The following DUOX2 variants were observed in gnomAD, a reference collection of about 807,000 sequenced individuals.
DUOX2 encodes the protein NADH/NADPH thyroid oxidase p138-tox.
Under a neutral mutation model 183.3 loss-of-function variants are expected in DUOX2, and 185 were observed. The ratio of observed to expected loss-of-function variants is 1.01; its 90% CI spans 0.90 to 1.14. The LOEUF (loss-of-function observed/expected upper bound fraction) is 1.14. Ranked by LOEUF, DUOX2 falls within the 50% of genes most tolerant of loss-of-function variation. The pLI is 0.00. For synonymous variants in DUOX2, 788 were observed against 812.4 expected (o/e 0.97, Z 0.51); for missense variants, 1,999 against 2,022.9 (o/e 0.99, Z 0.23).
In DUOX2 at chr15:45,100,077, C is replaced by A. The variant is rs1894035719; in HGVS notation, c.3157G>T (p.Val1053Phe). 1 of 1,614,272 alleles carries A rather than the reference C, an allele frequency of 6.2e-7. No homozygotes were observed. The highest frequency in any genetic ancestry group is 8.5e-7 in the Non-Finnish European group (1 of 1,180,056). Residue 1053 changes from valine (V) to phenylalanine (F), a missense_variant, in exon 24 of 34, where the codon GTT (valine) becomes TTT (phenylalanine). Around this residue, in one of 3 missense-constraint regions of DUOX2, gnomAD observed 1,628 missense variants for 1,608.6 expected, o/e 1.01. Transcript: ENST00000389039. The part of the protein sequence containing the change: ...VCVAIFSAIC[V>F]GVFADRAYYY... ...TAAGCACGATCTGCAAACACGCCAA[C>A]ACAGATGGCCGAGAAGATTGCCACA...
chr15:45,094,995 A>T lies in DUOX2; in HGVS notation c.4336T>A (p.Ser1446Thr), dbSNP rs756927874. The change falls in exon 32 of 34, where the codon TCT becomes ACT. Residue 1446 changes from serine to threonine, a missense_variant. This residue lies in a region of DUOX2 where 1,628 missense variants were observed against 1,608.6 expected (regional missense o/e 1.01). Transcript: ENST00000389039. ...AGCTGGGTGACATAAATGTGCACAG[A>T]CACCAGGTCCTGGTGGTCGTTCTCC... ...VEENDHQDLV[S>T]VHIYVTQLAE... 3 of 1,613,994 alleles carry T rather than the reference A, an allele frequency of 1.9e-6. No individual in the cohort carries two copies. In the African/African-American group the frequency reaches 4.0e-5, roughly 22 times the overall value.
In DUOX2 at chr15:45,103,973, A is replaced by G; in HGVS notation, c.2641T>C (p.Phe881Leu). The G allele has an allele frequency of 6.2e-7, 1 of 1,614,210 alleles. No homozygotes were observed. Among genetic ancestry groups the G allele is most frequent in the East Asian group, 2.2e-5 (1 of 44,874 alleles). The change falls in exon 20 of 34, where the codon TTC becomes CTC. Residue 881 changes from phenylalanine to leucine, a missense_variant. Physicochemically the swap from Phe to Leu is conservative, Grantham distance 22. Transcript: ENST00000389039. ...ENGFLSKDEF[F>L]TMMRSFIEIS... is the part of the protein sequence containing the mutation. ...CACACCCCATACCGCATCATGGTGA[A>G]GAATTCGTCCTTGGAGAGGAAGCCA...
In DUOX2 at chr15:45,093,911, G is replaced by A. The variant is rs1449295725; in HGVS notation, c.*239C>T. 1.9e-5 allele frequency: 10 copies of A among 531,734 alleles called. No individual in the cohort carries two copies. Among genetic ancestry groups the A allele is most frequent in the Admixed American group, 6.2e-5 (2 of 32,216 alleles). The allele number at this position is 531,734 out of a possible 1,614,324, so 32.9% of individuals were successfully genotyped here. Reference sequence around the variant, plus strand: ...TCTGGAGGGCTGCAGGAATGGTGCCGTTGATAAACAGGTGGACTTATAATC... The same window carrying A: ...TCTGGAGGGCTGCAGGAATGGTGCCATTGATAAACAGGTGGACTTATAATC... On this transcript the variant is annotated 3_prime_UTR_variant, in exon 34 of 34. Coordinates refer to ENST00000389039, the MANE Select transcript of DUOX2 (RefSeq NM_001363711.2).
At chr15:45,111,712 G>A (rs1012713028) in intron 5 of DUOX2, 56 bp downstream of exon 5, 141 of 1,482,878 alleles carry the variant, frequency 9.5e-5, no homozygotes, top group Middle Eastern at 4.9e-4. Context: ...CAGGCCCGAA[G>A]CCCAGGCCCC....
intron 20 of DUOX2, among the ~76,000 whole-genome samples, chr15:45,103,742 G>T (rs902901282): frequency 6.6e-6 from 1 of 152,000 alleles, no homozygotes; most frequent in African/African-American, 2.4e-5. Context: ...GGCTTTTCTG[G>T]CTGGTGTTGA....
intron 17 of DUOX2, 74 bp downstream of exon 17, chr15:45,106,051 G>A: frequency 2.6e-6 from 4 of 1,553,340 alleles, no homozygotes; most frequent in Non-Finnish European, 2.7e-6. Flanking sequence ...TGTAGCTGAG[G>A]ATAGGGTGGC....
rs200479757 is a variant in DUOX2 at position 45,110,682 on chromosome 15, C to G, written c.911G>C (p.Ser304Thr). Residue 304 changes from serine to threonine, a missense_variant, in exon 8 of 34, where the codon AGC (serine) becomes ACC (threonine). Ser to Thr is a moderately conservative substitution (Grantham distance 58). Coordinates refer to ENST00000389039, the MANE Select transcript of DUOX2 (RefSeq NM_001363711.2). ...QNIAVYEWLP[S>T]FLQKTLPEYT... Reference sequence around the variant, plus strand: ...CTCCGGGAGTGTTTTCTGCAGGAAGCTGGGCAGCCACTCATACACAGCGAT... The same window carrying G: ...CTCCGGGAGTGTTTTCTGCAGGAAGGTGGGCAGCCACTCATACACAGCGAT... The G allele has an allele frequency of 5.6e-6, 9 of 1,612,362 alleles. No individual in the cohort carries two copies. The highest frequency in any genetic ancestry group is 7.6e-6 in the Non-Finnish European group (9 of 1,179,954).
intron 25 of DUOX2, 76 bp downstream of exon 25, chr15:45,099,586 T>A (rs1165945455): frequency 6.4e-7 from 1 of 1,574,472 alleles, no homozygotes; most frequent in East Asian, 2.2e-5. Context: ...GTATAAGGAG[T>A]TCCATCTCCC....
Position 45,111,962 on chromosome 15 carries a change from G to A in DUOX2, c.326-7C>T. On this transcript the variant is annotated splice_polypyrimidine_tract_variant and splice_region_variant and intron_variant, in intron 4 of 33. Coordinates refer to ENST00000389039, the MANE Select transcript of DUOX2 (RefSeq NM_001363711.2). ...TCGGAAAGAACATGGTAGCCTGCGGGCATGGGGCGCCAATACGTGACAAAC... is the reference window on the plus strand; with the variant it reads ...TCGGAAAGAACATGGTAGCCTGCGGACATGGGGCGCCAATACGTGACAAAC... 2.5e-6 allele frequency: 4 copies of A among 1,613,070 alleles called. No individual in the cohort carries two copies. Among genetic ancestry groups the A allele is most frequent in the Non-Finnish European group, 3.4e-6 (4 of 1,179,832 alleles).
chr15:45,102,601 C>G (rs1894110666), intron 20 of DUOX2, among the ~76,000 whole-genome samples: 1 of 152,100 alleles, frequency 6.6e-6, no homozygotes, highest in African/African-American at 2.4e-5. Context: ...CCATGCTGGG[C>G]CCATAAAACA....
In DUOX2 at chr15:45,101,821, A is replaced by T; in HGVS notation, c.2823T>A (p.Cys941Ter). The change falls in exon 21 of 34, where the codon TGT becomes TGA. Residue 941 changes from cysteine to a stop codon, truncating the protein, a stop_gained. Transcript: ENST00000389039. LOFTEE classifies it high-confidence loss of function. ...TTCCACCTCCACCTCCACCTTTGAC[A>T]CAGAGCTGCGTGAAGCGGAGCTCGC... ...HDSELRFTQL[C>*]VKGGGGGGNG... 1 of 1,614,086 alleles carries T rather than the reference A, an allele frequency of 6.2e-7. No homozygotes were observed. The highest frequency in any genetic ancestry group is 8.5e-7 in the Non-Finnish European group (1 of 1,180,012).
chr15:45,105,354 G>T (rs921411144), intron 18 of DUOX2, among the ~76,000 whole-genome samples: 1 of 152,178 alleles, frequency 6.6e-6, no homozygotes, highest in Admixed American at 6.5e-5. Context: ...CAACCTCTGT[G>T]TACCACTCAT....
chr15:45,106,453 C>T, intron 16 of DUOX2, 75 bp downstream of exon 16: 1 of 1,591,862 alleles, frequency 6.3e-7, no homozygotes, highest in Non-Finnish European at 8.6e-7. Context: ...CACTCTGTAA[C>T]TTGGTTCTTT....
intron 21 of DUOX2, chr15:45,101,507 T>C (rs1894080350): frequency 3.2e-6 from 2 of 628,190 alleles, no homozygotes; most frequent in Non-Finnish European, 5.6e-6. Context: ...GTCCTTTGTG[T>C]AAAAGAAACA....
intron 22 of DUOX2, 62 bp downstream of exon 22, chr15:45,101,143 C>T (rs982742385): frequency 1.4e-6 from 2 of 1,468,466 alleles, no homozygotes; most frequent in Non-Finnish European, 1.9e-6. Flanking sequence ...CAGTCCTACT[C>T]CCTTCATTTC....
chr15:45,108,209 G>A lies in DUOX2; in HGVS notation c.1412C>T (p.Thr471Ile). Residue 471 changes from threonine to isoleucine, a missense_variant, in exon 13 of 34, where the codon ACA becomes ATA. Physicochemically the swap from Thr to Ile is moderately conservative, Grantham distance 89 (BLOSUM62 -1). Coordinates refer to ENST00000389039, the MANE Select transcript of DUOX2 (RefSeq NM_001363711.2). ...TAGGTCCTGGTTGTACAGGGCAGCTGTGGCCTCCAGCACCTGGGGCACCAC... is the reference window on the plus strand; with the variant it reads ...TAGGTCCTGGTTGTACAGGGCAGCTATGGCCTCCAGCACCTGGGGCACCAC... ...PNVDPQVLEA[T>I]AALYNQDLSQ... is the part of the protein sequence containing the mutation. 6.2e-7 allele frequency: 1 copy of A among 1,614,156 alleles called. No individual in the cohort carries two copies. The highest frequency in any genetic ancestry group is 8.5e-7 in the Non-Finnish European group (1 of 1,180,024).
At position 45,105,694 on chromosome 15, in the gene DUOX2, C is replaced by T; in HGVS notation, c.2283G>A (p.Lys761=). ...TCTCCAGGATGCGTTCCCGCTGCTG[C>T]TTTGTCACAGCCTTCCTAAATAGCT... ...EKELFRKAVT[K]QQRERILEIF... is the part of the protein sequence containing the mutation. Residue 761 remains lysine, a synonymous_variant, in exon 18 of 34, where the codon AAG becomes AAA. Coordinates refer to ENST00000389039, the MANE Select transcript of DUOX2 (RefSeq NM_001363711.2). 3.1e-6 allele frequency: 5 copies of T among 1,614,262 alleles called. No homozygotes were observed. The highest frequency in any genetic ancestry group is 4.2e-6 in the Non-Finnish European group (5 of 1,180,052).
chr15:45,099,557 A>T, intron 25 of DUOX2, 75 bp from the exon 26 acceptor site: 1 of 1,582,096 alleles, frequency 6.3e-7, no homozygotes, highest in Non-Finnish European at 8.7e-7. Context: ...GAGAGGAGGC[A>T]TAGGGAGGAG....
chr15:45,094,828 C>T, intron 32 of DUOX2, 108 bp downstream of exon 32: 1 of 1,594,986 alleles, frequency 6.3e-7, no homozygotes, highest in Non-Finnish European at 8.6e-7. Context: ...AGCTCTGTGC[C>T]TCCTGCCAGC....
Sources: gnomAD v4.1 joint callset for allele counts (sites outside exome capture counted in the v4.1 genomes callset) on GRCh38, gnomAD v4.1.1 for gene constraint, gnomAD v4.1.1 regional missense constraint, MANE v1.5 for transcripts, NCBI Gene and HGNC (gene_info 2026-07-23, HGNC 2026-07-21) for gene names.